GPR137C: variants seen among roughly 807,000 people sequenced by gnomAD.
GPR137C encodes the protein integral membrane protein GPR137C.
In GPR137C, 27 loss-of-function variants were observed where a neutral mutation model predicts 43.4. That is an observed-to-expected ratio of 0.62 (90% CI 0.46 to 0.86). GPR137C has a LOEUF of 0.86. Ranked by LOEUF, GPR137C falls within the 40% of genes least tolerant of loss-of-function variation. The pLI is 0.00. For synonymous variants in GPR137C, 285 were observed against 226.9 expected (o/e 1.26, Z -2.30); for missense variants, 522 against 534.6 (o/e 0.98, Z 0.23).
In GPR137C at chr14:52,553,039, G is replaced by A; in HGVS notation, c.-109G>A. 2.1e-6 allele frequency: 1 copy of A among 479,458 alleles called. No individual in the cohort carries two copies. Among genetic ancestry groups the A allele is most frequent in the Non-Finnish European group, 2.9e-6 (1 of 345,698 alleles). The allele number at this position is 479,458 out of a possible 1,614,324, so 29.7% of individuals were successfully genotyped here. On this transcript the variant is annotated 5_prime_UTR_variant, in exon 1 of 7. Transcript: ENST00000321662. ...CCCGTCACGGCGCTTCCTGGGGTTAGAGGCTGGGGTGGGTGGGGGGTAAGG... is the reference window on the plus strand; with the variant it reads ...CCCGTCACGGCGCTTCCTGGGGTTAAAGGCTGGGGTGGGTGGGGGGTAAGG...
intron 1 of GPR137C, among the ~76,000 whole-genome samples, chr14:52,571,078 C>T (rs1417970628): frequency 1.3e-5 from 2 of 152,178 alleles, no homozygotes; most frequent in South Asian, 2.1e-4. Context: ...AAATTGACCA[C>T]GTAATTGGAA....
intron 3 of GPR137C, among the ~76,000 whole-genome samples, chr14:52,608,076 T>C (rs2039001201): frequency 6.6e-6 from 1 of 152,190 alleles, no homozygotes; most frequent in South Asian, 2.1e-4. Flanking sequence ...CCACTCTGTA[T>C]CTTTTAATTA....
At chr14:52,600,472 G>A (rs1192690182) in intron 3 of GPR137C, 131 bp downstream of exon 3, 21 of 604,742 alleles carry the variant, frequency 3.5e-5, no homozygotes, top group South Asian at 2.0e-4. Flanking sequence ...ACAGGGTCTC[G>A]CCATATTAGT....
chr14:52,561,382 A>G (rs113626548), intron 1 of GPR137C, among the ~76,000 whole-genome samples: 13,647 of 152,272 alleles, frequency 0.09, 679 homozygotes, highest in East Asian at 0.15. Flanking sequence ...CTGAGGCAGG[A>G]GGATCACTTG....
chr14:52,614,950 GC>G (rs1256429708), intron 3 of GPR137C, among the ~76,000 whole-genome samples: 1 of 152,148 alleles, frequency 6.6e-6, no homozygotes, highest in East Asian at 1.9e-4. Flanking sequence ...CTGCACAGAA[GC>G]TTTTTAACTC....
In GPR137C at chr14:52,635,234, G is replaced by C; in HGVS notation, c.*119G>C. 1 of 755,440 alleles carries C rather than the reference G, an allele frequency of 1.3e-6. No individual in the cohort carries two copies. Among genetic ancestry groups the C allele is most frequent in the Non-Finnish European group, 2.0e-6 (1 of 499,888 alleles). The allele number at this position is 755,440 out of a possible 1,614,324, so 46.8% of individuals were successfully genotyped here. A position where few individuals can be genotyped will look rare whatever the true frequency, so the allele number is the denominator to read the frequency against. On this transcript the variant is annotated 3_prime_UTR_variant, in exon 7 of 7. Transcript: ENST00000321662. ...TTGCAACTGAAAACAAAATCTGGAA[G>C]TGTGGCTGTGTTTGGTAAATAACAC...
Position 52,598,302 on chromosome 14 carries a change from C to A in GPR137C, c.475C>A (p.Leu159Ile). Residue 159 changes from leucine to isoleucine, a missense_variant, in exon 2 of 7, where the codon CTT becomes ATT. Coordinates refer to ENST00000321662, the MANE Select transcript of GPR137C (RefSeq NM_001099652.2). ...ATGTAAAGTCAGATGTGCCACTGAACTTGACAGACACAAGTAAGTTTTATG... is the reference window on the plus strand; with the variant it reads ...ATGTAAAGTCAGATGTGCCACTGAAATTGACAGACACAAGTAAGTTTTATG... ...VICKVRCATE[L>I]DRHKILLHLG... 1.4e-6 allele frequency: 2 copies of A among 1,398,620 alleles called. No individual in the cohort carries two copies. Among genetic ancestry groups the A allele is most frequent in the Non-Finnish European group, 1.9e-6 (2 of 1,026,474 alleles). The allele number at this position is 1,398,620 out of a possible 1,614,324, so 86.6% of individuals were successfully genotyped here.
Position 52,556,030 on chromosome 14 carries a change from C to T in GPR137C, c.444+2439C>T, listed in dbSNP as rs187392638. Among the ~76,000 whole-genome samples the T allele has an allele frequency of 3.9e-3, 597 of 152,168 alleles. 2 individuals are homozygous for T. The highest frequency in any genetic ancestry group is 0.01 in the Middle Eastern group (3 of 294). ...TTAATGAAGTTTTTCCTAGTGAGTT[C>T]TTCATATTATAGCAAAGTGGTAGGG... On this transcript the variant is annotated intron_variant, in intron 1 of 6. Transcript: ENST00000321662.
In GPR137C at chr14:52,591,422, G is replaced by A. The variant is rs149125400; in HGVS notation, c.445-6850G>A. On this transcript the variant is annotated intron_variant, in intron 1 of 6. Transcript: ENST00000321662. ...AATCGCCACACTGTCTTCCACAATG[G>A]TTGAACTAATTTACACTCCCAACAG... is the stretch of plus-strand genomic sequence containing the variant. Among the ~76,000 whole-genome samples, 485 of 152,254 alleles carry A rather than the reference G, an allele frequency of 3.2e-3. 3 individuals are homozygous for A. Among genetic ancestry groups the A allele is most frequent in the African/African-American group, 0.011 (473 of 41,536 alleles).
chr14:52,563,887 GT>G (rs2038324720), intron 1 of GPR137C, among the ~76,000 whole-genome samples: 1 of 152,114 alleles, frequency 6.6e-6, no homozygotes, highest in South Asian at 2.1e-4. Flanking sequence ...GTCCATGGCA[GT>G]TAGCCTTCTA....
intron 3 of GPR137C, among the ~76,000 whole-genome samples, chr14:52,631,423 G>C (rs1239547391): frequency 6.6e-6 from 1 of 152,084 alleles, no homozygotes; most frequent in Non-Finnish European, 1.5e-5. Flanking sequence ...ATGTCACAGA[G>C]TAATTTTTTT....
chr14:52,561,508 G>T (rs921251561), intron 1 of GPR137C, among the ~76,000 whole-genome samples: 2 of 152,156 alleles, frequency 1.3e-5, no homozygotes, highest in African/African-American at 2.4e-5. Context: ...GAAAGCATAT[G>T]TTCCTATAAA....
chr14:52,566,733 G>T (rs2139448291), intron 1 of GPR137C, among the ~76,000 whole-genome samples: 1 of 152,322 alleles, frequency 6.6e-6, no homozygotes, highest in African/African-American at 2.4e-5. Flanking sequence ...GCTAGAATCA[G>T]TCATGGTTAA....
intron 3 of GPR137C, among the ~76,000 whole-genome samples, chr14:52,616,182 A>G (rs2039096865): frequency 6.6e-6 from 1 of 152,238 alleles, no homozygotes; most frequent in African/African-American, 2.4e-5. Flanking sequence ...CAAACATTGC[A>G]TATTTACACA....
intron 3 of GPR137C, among the ~76,000 whole-genome samples, chr14:52,631,910 T>C (rs2039298220): frequency 6.6e-6 from 1 of 150,886 alleles, no homozygotes; most frequent in African/African-American, 2.4e-5. Context: ...AAGGCAACCT[T>C]GGCAGAACAA....
At chr14:52,590,173 C>T (rs1309289878) in intron 1 of GPR137C, among the ~76,000 whole-genome samples, 6 of 151,428 alleles carry the variant, frequency 4.0e-5, no homozygotes, top group Non-Finnish European at 8.8e-5. Flanking sequence ...TAGGCCTAAG[C>T]TAATGGGTGT....
intron 1 of GPR137C, among the ~76,000 whole-genome samples, chr14:52,596,234 C>A (rs1183089208): frequency 6.6e-6 from 1 of 152,118 alleles, no homozygotes; most frequent in African/African-American, 2.4e-5. Context: ...AGGTGTCTGT[C>A]GGCCCCTACT....
chr14:52,594,035 G>C (rs1421942656), intron 1 of GPR137C, among the ~76,000 whole-genome samples: 6 of 152,132 alleles, frequency 3.9e-5, no homozygotes, highest in African/African-American at 1.4e-4. Flanking sequence ...ATGTGTCTTT[G>C]TTCTCATTGG....
intron 3 of GPR137C, among the ~76,000 whole-genome samples, chr14:52,631,192 T>G (rs2039290076): frequency 6.6e-6 from 1 of 152,156 alleles, no homozygotes; most frequent in Admixed American, 6.5e-5. Context: ...TATAAACAGG[T>G]GTTTCATCTT....
Sources: allele counts gnomAD v4.1 joint callset (sites outside exome capture counted in the v4.1 genomes callset), GRCh38; gene constraint gnomAD v4.1.1; transcripts MANE v1.5; gene names NCBI Gene and HGNC (gene_info 2026-07-23, HGNC 2026-07-21).